Variants in NUDCD3 observed in about 807,000 individuals in gnomAD.
The protein encoded by NUDCD3 is NudC domain containing 3.
Under a neutral mutation model 39.7 loss-of-function variants are expected in NUDCD3, and 13 were observed. The observed-to-expected ratio is 0.33, with a 90% confidence interval of 0.21 to 0.52. The LOEUF (loss-of-function observed/expected upper bound fraction) is 0.52. Ranked by LOEUF, NUDCD3 falls within the 20% of genes least tolerant of loss-of-function variation. The probability of loss-of-function intolerance (pLI) is 0.96; values close to 1 mark genes in which losing one functional copy is unlikely to be tolerated. For missense variants in NUDCD3, 453 were observed against 458.1 expected (o/e 0.99, Z 0.10); for synonymous variants, 175 against 172.4 (o/e 1.02, Z -0.12).
chr7:44,480,033 C>T lies in NUDCD3; in HGVS notation c.509+4935G>A, dbSNP rs114528486. Among the ~76,000 whole-genome samples, 501 of 152,304 alleles carry T rather than the reference C, an allele frequency of 3.3e-3. 4 individuals are homozygous for T. Among genetic ancestry groups the T allele is most frequent in the African/African-American group, 0.011 (459 of 41,570 alleles). On this transcript the variant is annotated intron_variant, in intron 2 of 5. Transcript: ENST00000355451. ...TGATTAGGATTCTTGCGGTACCAGT[C>T]TATTCTGAACAAAGAGCTACCAAGT...
chr7:44,398,437 G>T (rs746142452), intron 4 of NUDCD3, among the ~76,000 whole-genome samples: 7 of 152,050 alleles, frequency 4.6e-5, no homozygotes, highest in Non-Finnish European at 8.8e-5. Flanking sequence ...TCCCTGGCAC[G>T]TTCTCATTTT....
At chr7:44,429,544 C>A (rs530993935) in intron 2 of NUDCD3, among the ~76,000 whole-genome samples, 1 of 152,310 alleles carries the variant, frequency 6.6e-6, no homozygotes, top group African/African-American at 2.4e-5. Context: ...CCTCTAGGAA[C>A]TGTGAAGAAT....
intron 3 of NUDCD3, among the ~76,000 whole-genome samples, chr7:44,409,990 C>T (rs1798892822): frequency 1.3e-5 from 2 of 152,016 alleles, no homozygotes; most frequent in Non-Finnish European, 2.9e-5. Flanking sequence ...ATTACCCAAA[C>T]TGCGAAACAG....
At chr7:44,447,698 A>C (rs1799713775) in intron 2 of NUDCD3, among the ~76,000 whole-genome samples, 1 of 152,178 alleles carries the variant, frequency 6.6e-6, no homozygotes, top group Admixed American at 6.5e-5. Flanking sequence ...ACCTGCTCTC[A>C]AGTATTCTGT....
chr7:44,473,886 T>A (rs1800305620), intron 2 of NUDCD3, among the ~76,000 whole-genome samples: 1 of 152,214 alleles, frequency 6.6e-6, no homozygotes, highest in South Asian at 2.1e-4. Context: ...AATGGAGGGT[T>A]GACTATGAGG....
Position 44,381,814 on chromosome 7 carries a change from T to A in NUDCD3, c.*4197A>T, listed in dbSNP as rs1463685889. On this transcript the variant is annotated 3_prime_UTR_variant, in exon 6 of 6. Coordinates refer to ENST00000355451, the MANE Select transcript of NUDCD3 (RefSeq NM_015332.4). ...CACACCCCATGTGTGCCTATCTCCA[T>A]CAGCACTGAGAAGACAGCAAACGCC... The A allele has an allele frequency of 3.3e-5, 5 of 152,358 alleles. No individual in the cohort carries two copies. The highest frequency in any genetic ancestry group is 1.3e-4 in the Admixed American group (2 of 15,282). 9.4% of individuals were successfully genotyped at this position (152,358 alleles called of 1,614,324 possible). A position where few individuals can be genotyped will look rare whatever the true frequency, so the allele number is the denominator to read the frequency against.
intron 2 of NUDCD3, among the ~76,000 whole-genome samples, chr7:44,459,864 T>A (rs1799974058): frequency 6.6e-6 from 1 of 152,178 alleles, no homozygotes; most frequent in South Asian, 2.1e-4. Context: ...ACAGGAAAAT[T>A]TAACGAGAAC....
At chr7:44,433,239 T>C (rs576102063) in intron 2 of NUDCD3, among the ~76,000 whole-genome samples, 152 of 152,320 alleles carry the variant, frequency 1.0e-3, no homozygotes, top group African/African-American at 3.0e-3. Context: ...TTTGTTATAG[T>C]AGCCCAAATG....
intron 3 of NUDCD3, among the ~76,000 whole-genome samples, chr7:44,425,198 G>C (rs1799210978): frequency 1.3e-5 from 2 of 152,122 alleles, no homozygotes; most frequent in South Asian, 4.1e-4. Flanking sequence ...TGCATGCGGG[G>C]CTTAAAACCT....
intron 2 of NUDCD3, among the ~76,000 whole-genome samples, chr7:44,446,819 A>T (rs2116929289): frequency 6.6e-6 from 1 of 152,370 alleles, no homozygotes. Context: ...TGGCAGAACT[A>T]GATACTCCAT....
rs185948038 is a variant in NUDCD3, at chr7:44,400,549, C to G, written c.786+3891G>C. Reference sequence around the variant, plus strand: ...GCAGTGCTGTGATGGGAGACCTGCACTGGTGTCTGGGGCTGCCCTAACAGG... The same window carrying G: ...GCAGTGCTGTGATGGGAGACCTGCAGTGGTGTCTGGGGCTGCCCTAACAGG... On this transcript the variant is annotated intron_variant, in intron 4 of 5. Transcript: ENST00000355451. 1.1e-3 allele frequency among the ~76,000 whole-genome samples: 173 copies of G among 152,360 alleles called. 1 individual carries two copies. Among genetic ancestry groups the G allele is most frequent in the Non-Finnish European group, 2.0e-3 (139 of 68,028 alleles).
intron 4 of NUDCD3, among the ~76,000 whole-genome samples, chr7:44,396,127 T>TGTGTGTGTGTG (rs1563164537): frequency 8.0e-6 from 1 of 124,628 alleles, no homozygotes; most frequent in African/African-American, 3.7e-5. Flanking sequence ...GTGTGTGTGT[T>TGTGTGTGTGTG]TAATTACAGC....
chr7:44,406,863 T>G (rs1020351042), intron 3 of NUDCD3, among the ~76,000 whole-genome samples: 1 of 152,040 alleles, frequency 6.6e-6, no homozygotes, highest in South Asian at 2.1e-4. Context: ...ACAAATCCTA[T>G]AGGGTAGGAG....
chr7:44,488,774 C>T (rs1444213213), intron 1 of NUDCD3, among the ~76,000 whole-genome samples: 1 of 152,200 alleles, frequency 6.6e-6, no homozygotes, highest in African/African-American at 2.4e-5. Context: ...ATCTCCACTA[C>T]TTCATTAGAC....
At chr7:44,479,079 T>C (rs537709418) in intron 2 of NUDCD3, among the ~76,000 whole-genome samples, 1 of 152,302 alleles carries the variant, frequency 6.6e-6, no homozygotes, top group African/African-American at 2.4e-5. Context: ...AAGTCCCTTA[T>C]AAAACCGTCT....
chr7:44,417,607 G>A (rs1052121521), intron 3 of NUDCD3, among the ~76,000 whole-genome samples: 3 of 152,152 alleles, frequency 2.0e-5, no homozygotes, highest in African/African-American at 7.2e-5. Context: ...CATGGCAATC[G>A]ATGCTTTTCC....
chr7:44,423,340 G>A (rs969246212), intron 3 of NUDCD3, among the ~76,000 whole-genome samples: 14 of 152,178 alleles, frequency 9.2e-5, no homozygotes, highest in African/African-American at 3.4e-4. Flanking sequence ...TAGGAAGGGA[G>A]GAAGTCAAAT....
chr7:44,396,088 TG>T (rs936533170), intron 4 of NUDCD3, among the ~76,000 whole-genome samples: 4 of 29,202 alleles, frequency 1.4e-4, no homozygotes, highest in Non-Finnish European at 2.5e-4. Flanking sequence ...TATCTTCTGT[TG>T]TGTGTGTGTG....
At chr7:44,402,165 G>A (rs867805217) in intron 4 of NUDCD3, among the ~76,000 whole-genome samples, 2 of 152,176 alleles carry the variant, frequency 1.3e-5, no homozygotes, top group South Asian at 4.1e-4. Context: ...AGCTCTACCC[G>A]CTTCGCAAGC....
Sources: gnomAD v4.1 joint callset for allele counts (sites outside exome capture counted in the v4.1 genomes callset) on GRCh38, gnomAD v4.1.1 for gene constraint, MANE v1.5 for transcripts, NCBI Gene and HGNC (gene_info 2026-07-23, HGNC 2026-07-21) for gene names.